LTBP1: variants seen among roughly 807,000 people sequenced by gnomAD.
The protein encoded by LTBP1 is latent-transforming growth factor beta-binding protein 1.
A neutral mutation model predicts 207.6 loss-of-function variants in LTBP1; 129 were observed. The ratio of observed to expected loss-of-function variants is 0.62; its 90% CI spans 0.54 to 0.72. LTBP1 has a LOEUF of 0.72. Among genes scored for constraint, LTBP1 ranks in the 30% least tolerant of loss-of-function variants. LTBP1 has a pLI of 0.00. For synonymous variants in LTBP1, 963 were observed against 833.7 expected (o/e 1.16, Z -2.67); for missense variants, 2,281 against 2,217.2 (o/e 1.03, Z -0.58).
intron 17 of LTBP1, among the ~76,000 whole-genome samples, 187 bp from the exon 18 acceptor site, chr2:33,275,614 G>T (rs2093409443): frequency 1.3e-5 from 2 of 151,534 alleles, no homozygotes; most frequent in South Asian, 4.2e-4. Context: ...AACCCAGGAG[G>T]TGGAGGTTGC....
At chr2:33,289,722 G>C (rs1436433729) in intron 19 of LTBP1, among the ~76,000 whole-genome samples, 1 of 152,082 alleles carries the variant, frequency 6.6e-6, no homozygotes, top group African/African-American at 2.4e-5. Flanking sequence ...CAGATAAAAC[G>C]CAAAGGCCTG....
chr2:33,318,852 C>T (rs547142911), intron 24 of LTBP1, among the ~76,000 whole-genome samples: 2 of 152,252 alleles, frequency 1.3e-5, no homozygotes, highest in South Asian at 2.1e-4. Context: ...TATTTCTGCC[C>T]TTTTTTATTG....
In LTBP1 at chr2:33,355,819, G is replaced by T. The variant is rs562271787; in HGVS notation, c.4001-4778G>T. 2.6e-5 allele frequency among the ~76,000 whole-genome samples: 4 copies of T among 152,260 alleles called. No homozygotes were observed. The South Asian group carries it at 8.3e-4, about 32-fold the overall frequency. On this transcript the variant is annotated intron_variant, in intron 26 of 33. Transcript: ENST00000404816. ...CCTTGTCTACCCATCCCTCTGCAGT[G>T]AGGCCTAGGTGTGCGTGTGTGTCCT...
At chr2:33,005,009 A>C (rs1302198522) in intron 2 of LTBP1, among the ~76,000 whole-genome samples, 1 of 151,878 alleles carries the variant, frequency 6.6e-6, no homozygotes, top group African/African-American at 2.4e-5. Flanking sequence ...AGGATTCATG[A>C]AGTTATTAAT....
chr2:33,175,901 A>G (rs2085990569), intron 5 of LTBP1, among the ~76,000 whole-genome samples: 1 of 125,724 alleles, frequency 8.0e-6, no homozygotes, highest in African/African-American at 2.9e-5. Context: ...AAACGATCGC[A>G]AGAACAGAAA....
At chr2:33,078,862 C>CTTTTCTTTTCTTTTTTTTT (rs1367646259) in intron 3 of LTBP1, among the ~76,000 whole-genome samples, 1 of 106,886 alleles carries the variant, frequency 9.4e-6, no homozygotes, top group Non-Finnish European at 1.8e-5. Flanking sequence ...CTTTTCTTTT[C>CTTTTCTTTTCTTTTTTTTT]TTTTTTTTTT....
At chr2:33,097,336 A>G (rs1432989645) in intron 3 of LTBP1, among the ~76,000 whole-genome samples, 3 of 152,168 alleles carry the variant, frequency 2.0e-5, no homozygotes, top group Non-Finnish European at 4.4e-5. Flanking sequence ...GATAAAATAA[A>G]AGTCAATATG....
At position 33,309,207 on chromosome 2, in the gene LTBP1, T is replaced by C. The variant is rs552338077; in HGVS notation, c.3482-227T>C. Among the ~76,000 whole-genome samples the C allele has an allele frequency of 3.4e-5, 5 of 147,986 alleles. No individual in the cohort carries two copies. In the Admixed American group the frequency reaches 3.5e-4, roughly 10 times the overall value. On this transcript the variant is annotated intron_variant, in intron 22 of 33. Coordinates refer to ENST00000404816, the MANE Select transcript of LTBP1 (RefSeq NM_206943.4). ...CTGAGGCATGAGAATCACTTGAACC[T>C]GGGAGGCAGAGGTTGCAGTGAGCCA...
At chr2:33,006,637 T>G (rs79551561) in intron 2 of LTBP1, among the ~76,000 whole-genome samples, 5 of 146,656 alleles carry the variant, frequency 3.4e-5, no homozygotes, top group African/African-American at 1.2e-4. Flanking sequence ...CCCATCTTGA[T>G]CTCCCAAAGT....
intron 3 of LTBP1, among the ~76,000 whole-genome samples, chr2:33,062,079 A>G (rs1271166249): frequency 6.6e-6 from 1 of 152,178 alleles, no homozygotes; most frequent in Non-Finnish European, 1.5e-5. Context: ...ATAGCTTTTA[A>G]TGTACATATT....
chr2:32,974,928 C>T (rs1369118241), intron 2 of LTBP1, among the ~76,000 whole-genome samples: 1 of 152,160 alleles, frequency 6.6e-6, no homozygotes, highest in Non-Finnish European at 1.5e-5. Context: ...ATGTTGTTAG[C>T]TGGTTATTAT....
chr2:33,275,408 G>C (rs2093404566), intron 17 of LTBP1, among the ~76,000 whole-genome samples: 1 of 152,192 alleles, frequency 6.6e-6, no homozygotes, highest in African/African-American at 2.4e-5. Context: ...TTACTGGCCA[G>C]GCGCCATGGC....
At chr2:33,234,011 C>T (rs2091921367) in intron 9 of LTBP1, among the ~76,000 whole-genome samples, 1 of 151,874 alleles carries the variant, frequency 6.6e-6, no homozygotes. Context: ...CTTATCACTA[C>T]CCTTTCAACT....
At chr2:33,393,234 C>CTT (rs569734292) in intron 32 of LTBP1, among the ~76,000 whole-genome samples, 152 of 48,742 alleles carry the variant, frequency 3.1e-3, no homozygotes, top group East Asian at 0.013. Context: ...CCTTCTTCTT[C>CTT]TTTTTTTTTT....
At chr2:33,186,461 A>C (rs2087210610) in intron 5 of LTBP1, among the ~76,000 whole-genome samples, 1 of 152,090 alleles carries the variant, frequency 6.6e-6, no homozygotes, top group African/African-American at 2.4e-5. Flanking sequence ...GGCCATACAT[A>C]CCCCTTGTTC....
intron 2 of LTBP1, among the ~76,000 whole-genome samples, chr2:32,978,913 T>G (rs894979903): frequency 1.3e-5 from 2 of 151,934 alleles, no homozygotes; most frequent in African/African-American, 4.8e-5. Flanking sequence ...TTTGAATTTC[T>G]TCATGATTCA....
chr2:33,038,152 A>G (rs932147733), intron 3 of LTBP1, among the ~76,000 whole-genome samples: 1 of 152,234 alleles, frequency 6.6e-6, no homozygotes, highest in African/African-American at 2.4e-5. Flanking sequence ...TTGATCACTC[A>G]GATACTTTTT....
chr2:33,118,331 C>T lies in LTBP1; in HGVS notation c.1033+7580C>T, dbSNP rs536052297. 1.4e-4 allele frequency among the ~76,000 whole-genome samples: 22 copies of T among 152,186 alleles called. 1 individual carries two copies. The South Asian group carries it at 4.3e-3, about 30-fold the overall frequency. ...AAGAGCTGATGAAAACCAGCAAAAACTGCTTAAGCATTTAAGAGGAATATT... is the reference window on the plus strand; with the variant it reads ...AAGAGCTGATGAAAACCAGCAAAAATTGCTTAAGCATTTAAGAGGAATATT... On this transcript the variant is annotated intron_variant, in intron 4 of 33. Transcript: ENST00000404816.
At chr2:33,340,257 CAAA>C (rs1198759101) in intron 24 of LTBP1, among the ~76,000 whole-genome samples, 4,483 of 89,824 alleles carry the variant, frequency 0.05, 92 homozygotes, top group African/African-American at 0.08. Flanking sequence ...GACTCTGTCT[CAAA>C]AAAAAAAAAA....
Sources: gnomAD v4.1 joint callset for allele counts (sites outside exome capture counted in the v4.1 genomes callset) on GRCh38, gnomAD v4.1.1 for gene constraint, MANE v1.5 for transcripts, NCBI Gene and HGNC (gene_info 2026-07-23, HGNC 2026-07-21) for gene names.